The following TMEM108 variants were observed in gnomAD, a reference collection of about 807,000 sequenced individuals.
TMEM108 encodes cancer/testis antigen 124.
In TMEM108, 12 loss-of-function variants were observed where a neutral mutation model predicts 35.1. The ratio of observed to expected loss-of-function variants is 0.34; its 90% CI spans 0.22 to 0.55. The LOEUF (loss-of-function observed/expected upper bound fraction) is 0.55, where lower values mean the gene tolerates loss of function less well. TMEM108 is among the 20% of genes least tolerant of loss of function. The pLI is 0.89. For synonymous variants in TMEM108, 287 were observed against 308.6 expected (o/e 0.93, Z 0.73); for missense variants, 680 against 753.3 (o/e 0.90, Z 1.14).
intron 2 of TMEM108, among the ~76,000 whole-genome samples, chr3:133,181,034 A>C (rs749421533): frequency 5.9e-5 from 8 of 136,078 alleles, no homozygotes; most frequent in Non-Finnish European, 1.3e-4. Flanking sequence ...AAAAAAAAAA[A>C]AAAACAGCAC....
intron 3 of TMEM108, among the ~76,000 whole-genome samples, chr3:133,287,552 G>A (rs1947002999): frequency 6.6e-6 from 1 of 151,982 alleles, no homozygotes; most frequent in Non-Finnish European, 1.5e-5. Flanking sequence ...CCTTTGTATG[G>A]GATTGTCAGT....
At chr3:133,137,325 T>G (rs981701555) in intron 2 of TMEM108, among the ~76,000 whole-genome samples, 1 of 152,242 alleles carries the variant, frequency 6.6e-6, no homozygotes, top group South Asian at 2.1e-4. Flanking sequence ...GCAAAATCTA[T>G]ACCACGCTGC....
At chr3:133,097,799 C>T (rs1006670279) in intron 2 of TMEM108, among the ~76,000 whole-genome samples, 5 of 152,186 alleles carry the variant, frequency 3.3e-5, no homozygotes, top group Non-Finnish European at 7.3e-5. Context: ...CATTATAACC[C>T]ATTACTGTCT....
Position 133,206,160 on chromosome 3 carries a change from G to A in TMEM108, c.-46-23106G>A, listed in dbSNP as rs546239787. ...TTTTCAGCTCCATCAGGTCATTTAT[G>A]TTCTTCTCTAAACTGGTTATTCCAG... On this transcript the variant is annotated intron_variant, in intron 2 of 5. Transcript: ENST00000321871. Among the ~76,000 whole-genome samples the A allele has an allele frequency of 2.6e-5, 4 of 152,288 alleles. No homozygotes were observed. The East Asian group carries it at 7.7e-4, about 29-fold the overall frequency.
rs10530634 is a variant in TMEM108, at chr3:133,070,745, A to ATGTGTGTGTGTGTGTGTGTGTGTG, written c.-47+24729_-47+24752dup. Reference sequence around the variant, plus strand: ...TTGCAGTGAATGCTTTCTCTGATGTATGTGTGTGTGTGTGTGTGTGTGTGT... The same window carrying ATGTGTGTGTGTGTGTGTGTGTGTG: ...TTGCAGTGAATGCTTTCTCTGATGTATGTGTGTGTGTGTGTGTGTGTGTGTGTGTGTGTGTGTGTGTGTGTGTGT... On this transcript the variant is annotated intron_variant, in intron 2 of 5. Transcript: ENST00000321871. Among the ~76,000 whole-genome samples, 8 of 148,422 alleles carry ATGTGTGTGTGTGTGTGTGTGTGTG rather than the reference A, an allele frequency of 5.4e-5. No homozygotes were observed. The South Asian group carries it at 1.8e-3, about 33-fold the overall frequency.
Position 133,193,889 on chromosome 3 carries a change from G to A in TMEM108, c.-46-35377G>A, listed in dbSNP as rs552110183. Among the ~76,000 whole-genome samples the A allele has an allele frequency of 8.6e-5, 13 of 150,918 alleles. No individual in the cohort carries two copies. The East Asian group carries it at 2.5e-3, about 29-fold the overall frequency. ...AATCTTATTTATAAAATATTTAATT[G>A]TAAGGTTTAATGAAATACAAATGCT... On this transcript the variant is annotated intron_variant, in intron 2 of 5. Coordinates refer to ENST00000321871, the MANE Select transcript of TMEM108 (RefSeq NM_023943.4).
intron 2 of TMEM108, among the ~76,000 whole-genome samples, chr3:133,068,707 A>G (rs563799670): frequency 1.3e-5 from 2 of 152,256 alleles, no homozygotes; most frequent in Non-Finnish European, 2.9e-5. Context: ...ACAAAATTTC[A>G]AACATTTGCA....
chr3:133,129,348 A>ACC (rs61441972), intron 2 of TMEM108, among the ~76,000 whole-genome samples: 16 of 101,784 alleles, frequency 1.6e-4, no homozygotes, highest in African/African-American at 3.5e-4. Flanking sequence ...CCGCACCCAC[A>ACC]CCCCCCCCCC....
intron 3 of TMEM108, among the ~76,000 whole-genome samples, chr3:133,342,907 G>T (rs1283916685): frequency 6.6e-6 from 1 of 151,514 alleles, no homozygotes; most frequent in African/African-American, 2.4e-5. Context: ...AGTTAGAAGA[G>T]AATTTTGAAC....
intron 3 of TMEM108, among the ~76,000 whole-genome samples, chr3:133,351,368 C>A (rs900978936): frequency 1.3e-5 from 2 of 152,132 alleles, no homozygotes; most frequent in Non-Finnish European, 2.9e-5. Context: ...AGGGAATATT[C>A]TCCCACCGGC....
chr3:133,375,646 C>A (rs1340016312), intron 3 of TMEM108, among the ~76,000 whole-genome samples: 1 of 152,184 alleles, frequency 6.6e-6, no homozygotes, highest in Non-Finnish European at 1.5e-5. Context: ...CAGTTGTTAA[C>A]CTTTTGTGCC....
intron 2 of TMEM108, among the ~76,000 whole-genome samples, chr3:133,227,989 C>T (rs1206957111): frequency 6.6e-6 from 1 of 152,014 alleles, no homozygotes; most frequent in East Asian, 1.9e-4. Flanking sequence ...ATAGCCAAAT[C>T]CATAGAGACA....
At chr3:133,370,356 A>G (rs1330513441) in intron 3 of TMEM108, among the ~76,000 whole-genome samples, 1 of 152,092 alleles carries the variant, frequency 6.6e-6, no homozygotes, top group Non-Finnish European at 1.5e-5. Flanking sequence ...TGTTTTTCTT[A>G]TAACTATACT....
intron 2 of TMEM108, among the ~76,000 whole-genome samples, chr3:133,192,185 G>A (rs1290157612): frequency 6.6e-6 from 1 of 152,182 alleles, no homozygotes; most frequent in Non-Finnish European, 1.5e-5. Context: ...TTATTTCCTA[G>A]TAAGATGTAG....
At chr3:133,100,228 A>T (rs1022517879) in intron 2 of TMEM108, among the ~76,000 whole-genome samples, 2 of 152,212 alleles carry the variant, frequency 1.3e-5, no homozygotes, top group African/African-American at 2.4e-5. Flanking sequence ...AGCAGGGGAA[A>T]GATTGGCCCC....
chr3:133,042,315 T>TC (rs1245310182), intron 1 of TMEM108, among the ~76,000 whole-genome samples: 6 of 152,346 alleles, frequency 3.9e-5, no homozygotes, highest in African/African-American at 1.4e-4. Context: ...TTTCTGTCTC[T>TC]CAAGTGAACT....
At chr3:133,064,371 C>G (rs755294570) in intron 2 of TMEM108, among the ~76,000 whole-genome samples, 1 of 152,130 alleles carries the variant, frequency 6.6e-6, no homozygotes, top group Non-Finnish European at 1.5e-5. Flanking sequence ...CTTAATAAAT[C>G]CTTACTGTCT....
At chr3:133,327,814 GA>G (rs2071349207) in intron 3 of TMEM108, among the ~76,000 whole-genome samples, 1 of 152,068 alleles carries the variant, frequency 6.6e-6, no homozygotes, top group Non-Finnish European at 1.5e-5. Flanking sequence ...AAAGACAAAA[GA>G]AGAGTCAAGA....
intron 2 of TMEM108, among the ~76,000 whole-genome samples, chr3:133,089,863 G>T (rs1943927616): frequency 6.6e-6 from 1 of 152,194 alleles, no homozygotes; most frequent in Admixed American, 6.5e-5. Flanking sequence ...ATCAGCATTT[G>T]TAAGAGTTTC....
Sources: gnomAD v4.1 joint callset for allele counts (sites outside exome capture counted in the v4.1 genomes callset) on GRCh38, gnomAD v4.1.1 for gene constraint, MANE v1.5 for transcripts, NCBI Gene and HGNC (gene_info 2026-07-23, HGNC 2026-07-21) for gene names.